Variants in HERC1 observed in about 807,000 individuals in gnomAD.
HERC1 encodes the protein probable E3 ubiquitin-protein ligase HERC1.
HERC1 carries 160 observed loss-of-function variants against 554.3 expected under a neutral mutation model. The ratio of observed to expected loss-of-function variants is 0.29; its 90% CI spans 0.25 to 0.33. The LOEUF (loss-of-function observed/expected upper bound fraction) is 0.33, where lower values mean the gene tolerates loss of function less well. HERC1 is among the 10% of genes least tolerant of loss of function. HERC1 has a pLI of 1.00. For synonymous variants in HERC1, 2,175 were observed against 2,131.7 expected (o/e 1.02, Z -0.56); for missense variants, 4,919 against 5,918.5 (o/e 0.83, Z 5.54).
chr15:63,624,484 C>A (rs1202901361), intron 71 of HERC1, among the ~76,000 whole-genome samples, 157 bp from the exon 72 acceptor site: 2 of 152,124 alleles, frequency 1.3e-5, no homozygotes, highest in African/African-American at 4.8e-5. Flanking sequence ...ATCGCTTGAG[C>A]CCAGGAGTTC....
intron 58 of HERC1, 129 bp downstream of exon 58, chr15:63,643,275 G>T (rs1029108433): frequency 1.3e-5 from 12 of 913,442 alleles, no homozygotes; most frequent in Admixed American, 2.9e-5. Context: ...AGAGGATTCT[G>T]AAAGAAGTTT....
At position 63,609,060 on chromosome 15, in the gene HERC1, A is replaced by AG. The variant is rs762677734; in HGVS notation, c.*20dup. The AG allele has an allele frequency of 8.7e-6, 14 of 1,601,596 alleles. No homozygotes were observed. The highest frequency in any genetic ancestry group is 1.7e-4 in the Middle Eastern group (1 of 6,044). On this transcript the variant is annotated 3_prime_UTR_variant, in exon 78 of 78. Coordinates refer to ENST00000443617, the MANE Select transcript of HERC1 (RefSeq NM_003922.4). ...TGAGCATTATTGAGGGAGAGAAGGG[A>AG]GGGTGAGAGCACCCGCACGGTCAGT... is the stretch of plus-strand genomic sequence containing the variant.
chr15:63,740,097 G>C (rs1046307729), intron 12 of HERC1, among the ~76,000 whole-genome samples: 8 of 151,874 alleles, frequency 5.3e-5, no homozygotes, highest in Non-Finnish European at 1.2e-4. Context: ...TTTTAGTAGA[G>C]ACAGGGTTTC....
chr15:63,681,796 A>G (rs1179511182), intron 34 of HERC1, among the ~76,000 whole-genome samples: 1 of 152,198 alleles, frequency 6.6e-6, no homozygotes. Context: ...AACATCACAC[A>G]CATGTTATTT....
At chr15:63,673,913 C>A (rs1285449372) in intron 38 of HERC1, among the ~76,000 whole-genome samples, 5 of 152,132 alleles carry the variant, frequency 3.3e-5, no homozygotes, top group Admixed American at 1.3e-4. Context: ...TTAGTAGAGA[C>A]AGGGTTTCAC....
intron 37 of HERC1, among the ~76,000 whole-genome samples, chr15:63,676,714 C>T (rs2152986744): frequency 6.6e-6 from 1 of 152,248 alleles, no homozygotes; most frequent in East Asian, 1.9e-4. Flanking sequence ...CAAGATCATG[C>T]CATTGCCCTC....
rs1171946443 is a variant in HERC1 at position 63,637,620 on chromosome 15, G to C, written c.12117C>G (p.Thr4039=). ...CTGTGCCATTGGCCTGGATGACAAA[G>C]GTACAATTCTGACCACAAATGACCT... The part of the protein sequence containing the change: ...AQQVICGQNC[T]FVIQANGTVL... Residue 4039 remains threonine, a synonymous_variant, in exon 64 of 78, where the codon ACC becomes ACG. Transcript: ENST00000443617. The C allele has an allele frequency of 6.4e-7, 1 of 1,551,352 alleles. No individual in the cohort carries two copies. The highest frequency in any genetic ancestry group is 8.7e-7 in the Non-Finnish European group (1 of 1,146,656).
chr15:63,730,258 C>T (rs2074234277), intron 14 of HERC1, among the ~76,000 whole-genome samples: 1 of 151,274 alleles, frequency 6.6e-6, no homozygotes, highest in African/African-American at 2.4e-5. Flanking sequence ...AGTTCAAGAC[C>T]AGCATGGGCA....
chr15:63,615,595 G>A (rs2067780917), intron 76 of HERC1, among the ~76,000 whole-genome samples, 173 bp downstream of exon 76: 1 of 152,242 alleles, frequency 6.6e-6, no homozygotes, highest in African/African-American at 2.4e-5. Context: ...AGGCGACAGA[G>A]TGAGGTGCTG....
intron 1 of HERC1, among the ~76,000 whole-genome samples, chr15:63,823,226 C>A (rs1211943492): frequency 1.3e-5 from 2 of 152,150 alleles, no homozygotes; most frequent in Admixed American, 6.6e-5. Context: ...CATCATTTAG[C>A]TCCCACGTAT....
rs201774840 is a variant in HERC1 at position 63,694,725 on chromosome 15, G to A, written c.5242+49C>T. ...AGAACATAACTAGTACCATAACCTC[G>A]GGCTAAAATGTAACCTGCACTGTAC... On this transcript the variant is annotated intron_variant, in intron 28 of 77. Coordinates refer to ENST00000443617, the MANE Select transcript of HERC1 (RefSeq NM_003922.4). The surrounding 1 kb of genome is among the most constrained non-coding windows in gnomAD (Gnocchi z 4.3). The A allele has an allele frequency of 4.9e-5, 79 of 1,611,394 alleles. No homozygotes were observed. Among genetic ancestry groups the A allele is most frequent in the Middle Eastern group, 3.3e-4 (2 of 6,054 alleles).
chr15:63,829,442 G>GGA (rs2078053415), intron 1 of HERC1, among the ~76,000 whole-genome samples: 1 of 90,614 alleles, frequency 1.1e-5, no homozygotes, highest in South Asian at 2.9e-4. Flanking sequence ...AGAAACGTCA[G>GGA]TATGTGTGTG....
chr15:63,693,901 A>G, intron 30 of HERC1, 63 bp downstream of exon 30: 2 of 1,471,480 alleles, frequency 1.4e-6, no homozygotes, highest in Non-Finnish European at 1.8e-6. Context: ...TCCTAATCAT[A>G]TGCACACAAT....
In HERC1 at chr15:63,704,627, A is replaced by G. The variant is rs1054347799; in HGVS notation, c.4636+2153T>C. Among the ~76,000 whole-genome samples the G allele has an allele frequency of 7.9e-5, 12 of 152,312 alleles. No individual in the cohort carries two copies. In the East Asian group the frequency reaches 2.1e-3, roughly 27 times the overall value. Reference sequence around the variant, plus strand: ...AATCTGTTCCAAAAATTTAATTCCTAAGTCAAAATGAACTACCAATTTTCA... The same window carrying G: ...AATCTGTTCCAAAAATTTAATTCCTGAGTCAAAATGAACTACCAATTTTCA... On this transcript the variant is annotated intron_variant, in intron 25 of 77. Coordinates refer to ENST00000443617, the MANE Select transcript of HERC1 (RefSeq NM_003922.4).
intron 1 of HERC1, among the ~76,000 whole-genome samples, chr15:63,827,660 A>C (rs2077988806): frequency 6.6e-6 from 1 of 152,216 alleles, no homozygotes; most frequent in African/African-American, 2.4e-5. Flanking sequence ...CATGAGAATT[A>C]AAAATATATG....
rs563626665 is a variant in HERC1 at position 63,749,059 on chromosome 15, C to T, written c.2219+308G>A. Among the ~76,000 whole-genome samples, 11 of 151,532 alleles carry T rather than the reference C, an allele frequency of 7.3e-5. No individual in the cohort carries two copies. The highest frequency in any genetic ancestry group is 2.4e-4 in the African/African-American group (10 of 41,366). ...GTTCTGATTTTAATTATTTTAATTT[C>T]CTCTTGATATGCAGATATTTAATTT... On this transcript the variant is annotated intron_variant, in intron 10 of 77. Coordinates refer to ENST00000443617, the MANE Select transcript of HERC1 (RefSeq NM_003922.4). The surrounding 1 kb of genome is among the most constrained non-coding windows in gnomAD (Gnocchi z 4.1).
chr15:63,715,472 C>A (rs906981575), intron 22 of HERC1, among the ~76,000 whole-genome samples: 16 of 152,142 alleles, frequency 1.1e-4, no homozygotes, highest in Non-Finnish European at 2.4e-4. Context: ...CCCTTTACTC[C>A]ATTTGGATCT....
intron 74 of HERC1, among the ~76,000 whole-genome samples, chr15:63,621,595 A>C (rs1007811921): frequency 1.3e-5 from 2 of 148,522 alleles, no homozygotes; most frequent in African/African-American, 4.9e-5. Flanking sequence ...GTGTTTTCCA[A>C]CTTGGTTCCA....
intron 1 of HERC1, among the ~76,000 whole-genome samples, chr15:63,785,346 A>T (rs2076406253): frequency 1.3e-5 from 2 of 152,348 alleles, no homozygotes; most frequent in South Asian, 4.1e-4. Flanking sequence ...GCTTGAGCTC[A>T]GAAGTTCAAA....
Sources: gnomAD v4.1 joint callset for allele counts (sites outside exome capture counted in the v4.1 genomes callset) on GRCh38, gnomAD v4.1.1 for gene constraint, Gnocchi (gnomAD v3.1) non-coding constraint, MANE v1.5 for transcripts, NCBI Gene and HGNC (gene_info 2026-07-23, HGNC 2026-07-21) for gene names.